The following MITF variants were observed in gnomAD, a reference collection of about 807,000 sequenced individuals.
The protein encoded by MITF is melanocyte inducing transcription factor.
In MITF, 17 loss-of-function variants were observed where a neutral mutation model predicts 60.5. The observed-to-expected ratio is 0.28, with a 90% confidence interval of 0.19 to 0.42. The LOEUF is 0.42. Among genes scored for constraint, MITF ranks in the 10% least tolerant of loss-of-function variants. The pLI is 1.00. For synonymous variants in MITF, 260 were observed against 248.5 expected, an observed-to-expected ratio of 1.05 and a Z score of -0.43; for missense variants, 622 against 683.5, an observed-to-expected ratio of 0.91 and a Z score of 1.00.
intron 2 of MITF, among the ~76,000 whole-genome samples, chr3:69,892,600 G>A (rs77381676): frequency 0.017 from 2,603 of 152,236 alleles, 34 homozygotes; most frequent in Middle Eastern, 0.048. Context: ...TTGCTCCTCT[G>A]AAGAAAAAAG....
At chr3:69,836,587 C>T (rs1037726329) in intron 1 of MITF, among the ~76,000 whole-genome samples, 1 of 152,138 alleles carries the variant, frequency 6.6e-6, no homozygotes, top group African/African-American at 2.4e-5. Flanking sequence ...GACAATTTTA[C>T]AAAGTGGATC....
chr3:69,745,482 T>C (rs773049661), intron 1 of MITF, among the ~76,000 whole-genome samples: 1 of 152,198 alleles, frequency 6.6e-6, no homozygotes, highest in Non-Finnish European at 1.5e-5. Flanking sequence ...GGCAGTTTTG[T>C]GGACAAATAG....
intron 2 of MITF, among the ~76,000 whole-genome samples, chr3:69,906,115 CATTTT>C (rs2065092733): frequency 6.6e-6 from 1 of 152,024 alleles, no homozygotes; most frequent in Admixed American, 6.6e-5. Flanking sequence ...TTTTATGATT[CATTTT>C]GAGTTAATTT....
chr3:69,915,828 T>G (rs544418628), intron 2 of MITF, among the ~76,000 whole-genome samples: 12 of 152,278 alleles, frequency 7.9e-5, no homozygotes, highest in Admixed American at 7.8e-4. Context: ...CCACTCCCTG[T>G]GGTCCCTGTT....
intron 1 of MITF, among the ~76,000 whole-genome samples, chr3:69,818,802 T>C (rs1267605505): frequency 6.6e-6 from 1 of 152,088 alleles, no homozygotes; most frequent in African/African-American, 2.4e-5. Context: ...GGATTTATGG[T>C]CAAAGATATA....
chr3:69,766,178 G>GC (rs77786684), intron 1 of MITF, among the ~76,000 whole-genome samples: 28,909 of 151,728 alleles, frequency 0.19, 3,275 homozygotes, highest in East Asian at 0.47. Flanking sequence ...TATTTCACTA[G>GC]CTTGGTGACC....
chr3:69,946,938 G>T (rs1344686259), intron 5 of MITF, among the ~76,000 whole-genome samples: 1 of 151,774 alleles, frequency 6.6e-6, no homozygotes, highest in Admixed American at 6.6e-5. Context: ...TGTCCATCTC[G>T]CTGTCTATGG....
At chr3:69,903,247 A>G (rs902652974) in intron 2 of MITF, among the ~76,000 whole-genome samples, 13 of 152,236 alleles carry the variant, frequency 8.5e-5, no homozygotes, top group African/African-American at 3.1e-4. Flanking sequence ...AGCTAGGTCT[A>G]GTCCTAGAAT....
intron 1 of MITF, among the ~76,000 whole-genome samples, chr3:69,808,140 AAT>A (rs1212971860): frequency 5.4e-5 from 8 of 146,806 alleles, no homozygotes; most frequent in Non-Finnish European, 7.4e-5. Flanking sequence ...AAAATATATA[AAT>A]ATATATATAA....
At chr3:69,862,291 A>T (rs1157355569) in intron 1 of MITF, among the ~76,000 whole-genome samples, 1 of 152,180 alleles carries the variant, frequency 6.6e-6, no homozygotes, top group Non-Finnish European at 1.5e-5. Context: ...ATAGGAAGAC[A>T]GGTTGGGGAA....
intron 2 of MITF, among the ~76,000 whole-genome samples, chr3:69,901,790 C>A (rs1483059127): frequency 6.6e-6 from 1 of 152,192 alleles, no homozygotes; most frequent in Non-Finnish European, 1.5e-5. Context: ...GTACTTTGAG[C>A]CTTGACGACA....
intron 2 of MITF, among the ~76,000 whole-genome samples, chr3:69,912,284 G>A (rs1448260248): frequency 6.6e-6 from 1 of 152,096 alleles, no homozygotes; most frequent in African/African-American, 2.4e-5. Flanking sequence ...GGGAGAGCAG[G>A]GAACTTATGG....
intron 1 of MITF, among the ~76,000 whole-genome samples, chr3:69,865,904 G>A (rs2064104980): frequency 1.3e-5 from 2 of 152,162 alleles, no homozygotes; most frequent in African/African-American, 4.8e-5. Flanking sequence ...CAATTCACTG[G>A]TATGTGAAAT....
intron 2 of MITF, among the ~76,000 whole-genome samples, chr3:69,928,729 G>T (rs1487889172): frequency 1.3e-5 from 2 of 152,102 alleles, no homozygotes. Context: ...TTTCATCATT[G>T]GTGACAAATT....
chr3:69,796,979 TA>T (rs1436976573), intron 1 of MITF, among the ~76,000 whole-genome samples: 2 of 152,218 alleles, frequency 1.3e-5, no homozygotes, highest in African/African-American at 4.8e-5. Flanking sequence ...GTACCCATTT[TA>T]TAGGAGACTT....
intron 1 of MITF, among the ~76,000 whole-genome samples, chr3:69,756,042 T>C (rs76623117): frequency 4.5e-4 from 68 of 152,254 alleles, no homozygotes; most frequent in African/African-American, 1.6e-3. Flanking sequence ...CACTGTTGAG[T>C]AAATAAGCAA....
At chr3:69,808,601 G>A (rs1051393993) in intron 1 of MITF, among the ~76,000 whole-genome samples, 4 of 152,072 alleles carry the variant, frequency 2.6e-5, no homozygotes, top group Non-Finnish European at 4.4e-5. Flanking sequence ...GAGTAGGAGT[G>A]GAGTAGGGGA....
intron 5 of MITF, among the ~76,000 whole-genome samples, chr3:69,945,724 C>T (rs139386352): frequency 6.6e-6 from 1 of 152,266 alleles, no homozygotes; most frequent in African/African-American, 2.4e-5. Context: ...GGGAGACTGT[C>T]CTGTGCATTT....
At chr3:69,938,143 T>A (rs1352061869) in intron 3 of MITF, 94 bp downstream of exon 3, 35 of 1,382,018 alleles carry the variant, frequency 2.5e-5, no homozygotes, top group Non-Finnish European at 3.1e-5. Context: ...CTCTAGTTTG[T>A]CCTTGTGGCC....
Sources: gnomAD v4.1 joint callset for allele counts (sites outside exome capture counted in the v4.1 genomes callset) on GRCh38, gnomAD v4.1.1 for gene constraint, MANE v1.5 for transcripts, NCBI Gene and HGNC (gene_info 2026-07-23, HGNC 2026-07-21) for gene names.